The following HYDIN variants were observed in gnomAD, a reference collection of about 807,000 sequenced individuals.
HYDIN encodes axonemal central pair apparatus protein HYDIN.
Under a neutral mutation model 403.9 loss-of-function variants are expected in HYDIN, and 132 were observed. That is an observed-to-expected ratio of 0.33 (90% CI 0.28 to 0.38). The LOEUF is 0.38. Among genes scored for constraint, HYDIN ranks in the 10% least tolerant of loss-of-function variants. The pLI, the probability that HYDIN is intolerant of heterozygous loss-of-function variation, is 1.00. For missense variants in HYDIN, 2,827 were observed against 5,009.5 expected, an observed-to-expected ratio of 0.56 and a Z score of 13.15; for synonymous variants, 1,202 against 1,891.7, an observed-to-expected ratio of 0.64 and a Z score of 9.46.
At chr16:71,097,850 T>C (rs1018936640) in intron 10 of HYDIN, among the ~76,000 whole-genome samples, 1 of 151,954 alleles carries the variant, frequency 6.6e-6, no homozygotes, top group African/African-American at 2.4e-5. Context: ...TTACAGAAAG[T>C]ATGCTTAGAA....
At chr16:70,928,468 C>CA (rs1567847919) in intron 45 of HYDIN, among the ~76,000 whole-genome samples, 1 of 151,394 alleles carries the variant, frequency 6.6e-6, no homozygotes, top group African/African-American at 2.4e-5. Context: ...AAAAAAAAAA[C>CA]AAAAAACAAA....
chr16:71,139,914 ATT>A (rs2085101982), intron 7 of HYDIN, among the ~76,000 whole-genome samples: 2 of 152,008 alleles, frequency 1.3e-5, no homozygotes, highest in Non-Finnish European at 2.9e-5. Flanking sequence ...AATTGGATAA[ATT>A]TTTTAAAAAT....
chr16:71,185,155 A>G (rs1252483050), intron 2 of HYDIN, among the ~76,000 whole-genome samples, 165 bp from the exon 3 acceptor site: 2 of 152,182 alleles, frequency 1.3e-5, no homozygotes, highest in African/African-American at 4.8e-5. Flanking sequence ...ATTATATAAG[A>G]GAAGTACCCA....
chr16:71,067,689 A>C (rs1364369177), intron 14 of HYDIN, among the ~76,000 whole-genome samples: 1 of 152,162 alleles, frequency 6.6e-6, no homozygotes, highest in Non-Finnish European at 1.5e-5. Context: ...AACGATGAGC[A>C]ACATCGAACC....
At chr16:70,852,659 T>A (rs1214562910) in intron 73 of HYDIN, 1 of 150,994 alleles carries the variant, frequency 6.6e-6, no homozygotes, top group East Asian at 2.0e-4. Flanking sequence ...AAGAGACATT[T>A]CACTGAGGAG....
chr16:70,891,251 C>T (rs1328389694), intron 57 of HYDIN, among the ~76,000 whole-genome samples: 1 of 152,086 alleles, frequency 6.6e-6, no homozygotes, highest in Non-Finnish European at 1.5e-5. Context: ...TGCAGTGGCG[C>T]GATCTCGGCT....
At chr16:70,939,458 C>G (rs2077602323) in intron 43 of HYDIN, among the ~76,000 whole-genome samples, 1 of 152,120 alleles carries the variant, frequency 6.6e-6, no homozygotes. Flanking sequence ...TCCCCTAAAT[C>G]ATCTGCATTT....
At chr16:70,968,784 A>T (rs783719) in intron 36 of HYDIN, among the ~76,000 whole-genome samples, 296 of 146,944 alleles carry the variant, frequency 2.0e-3, no homozygotes, top group African/African-American at 7.2e-3. Flanking sequence ...GGAAAACTTC[A>T]GCTTGAATGA....
At chr16:71,049,560 C>T (rs190162558) in intron 18 of HYDIN, among the ~76,000 whole-genome samples, 32 of 152,278 alleles carry the variant, frequency 2.1e-4, no homozygotes, top group African/African-American at 7.7e-4. Context: ...AAGAAACATC[C>T]TCCATATCAG....
intron 45 of HYDIN, chr16:70,933,824 C>T (rs2077421870): frequency 6.5e-6 from 1 of 154,038 alleles, no homozygotes. Flanking sequence ...GAATGCCCTT[C>T]ACTTCGTTTT....
intron 27 of HYDIN, 84 bp from the exon 28 acceptor site, chr16:70,985,406 A>G: frequency 9.1e-7 from 1 of 1,095,690 alleles, no homozygotes; most frequent in Non-Finnish European, 1.3e-6. Context: ...CCTCATGGAT[A>G]AGGGTGTGAC....
rs111377075 is a variant in HYDIN, at chr16:70,812,786, T to C, written c.14659-2779A>G. 3.9e-4 allele frequency among the ~76,000 whole-genome samples: 59 copies of C among 152,230 alleles called. 1 individual carries two copies. Among genetic ancestry groups the C allele is most frequent in the African/African-American group, 1.4e-3 (59 of 41,560 alleles). On this transcript the variant is annotated intron_variant, in intron 84 of 85. Coordinates refer to ENST00000393567, the MANE Select transcript of HYDIN (RefSeq NM_001270974.2). ...GTAAAGATATTAATTCTCCTTCTGA[T>C]AGACAGGCCCAAGATGGTCCTCAAT... is the stretch of plus-strand genomic sequence containing the variant.
chr16:70,802,677 A>G lies in HYDIN; in HGVS notation c.*4903T>C, dbSNP rs2034934684. ...GCTCTCAACCCATGGAAACTGTGAG[A>G]TAATAAATTTGTGTTGTTTTGCTCT... On this transcript the variant is annotated 3_prime_UTR_variant, in exon 86 of 86. Coordinates refer to ENST00000393567, the MANE Select transcript of HYDIN (RefSeq NM_001270974.2). 6.6e-6 allele frequency: 1 copy of G among 152,224 alleles called. No individual in the cohort carries two copies. The highest frequency in any genetic ancestry group is 6.5e-5 in the Admixed American group (1 of 15,284). 9.4% of individuals were successfully genotyped at this position (152,224 alleles called of 1,614,324 possible).
At chr16:71,178,501 A>C (rs1030354562) in intron 4 of HYDIN, among the ~76,000 whole-genome samples, 3 of 149,530 alleles carry the variant, frequency 2.0e-5, no homozygotes, top group African/African-American at 7.3e-5. Flanking sequence ...ACAGACATAC[A>C]TATATATATG....
At chr16:71,162,219 A>G (rs2086029386) in intron 6 of HYDIN, among the ~76,000 whole-genome samples, 1 of 151,238 alleles carries the variant, frequency 6.6e-6, no homozygotes, top group Admixed American at 6.6e-5. Flanking sequence ...AGTTATAAAA[A>G]TTCTCAGTCA....
intron 7 of HYDIN, among the ~76,000 whole-genome samples, chr16:71,137,606 G>A (rs1342622949): frequency 1.3e-5 from 2 of 151,700 alleles, no homozygotes. Context: ...GTTGTTGTGG[G>A]CACTCCAAAA....
In HYDIN at chr16:71,094,573, G is replaced by C. The variant is rs1261321769; in HGVS notation, c.1328-638C>G. The stretch of plus-strand genomic sequence containing the variant: ...CTTAGGCAGTTTCCCAAAGAGCTGA[G>C]ATCTCCAGAAATTTTATCTCTCACA... On this transcript the variant is annotated intron_variant, in intron 10 of 85. Coordinates refer to ENST00000393567, the MANE Select transcript of HYDIN (RefSeq NM_001270974.2). Among the ~76,000 whole-genome samples the C allele has an allele frequency of 2.6e-5, 4 of 152,314 alleles. No homozygotes were observed. In the South Asian group the frequency reaches 8.3e-4, roughly 32 times the overall value.
Position 70,943,912 on chromosome 16 carries a change from C to G in HYDIN, c.6569G>C (p.Arg2190Pro). The change falls in exon 42 of 86, where the codon CGC (arginine) becomes CCC (proline). Residue 2190 changes from arginine to proline, a missense_variant. Arg to Pro is a moderately radical substitution (Grantham distance 103, BLOSUM62 -2). Coordinates refer to ENST00000393567, the MANE Select transcript of HYDIN (RefSeq NM_001270974.2). ...SSPLPPGPIH[R>P]WLSVSPSVGG... ...GACACTGGGACTAACACTGAGCCAG[C>G]GGTGGATGGGCCCCGGGGGGAGAGG... The G allele has an allele frequency of 1.9e-6, 3 of 1,613,130 alleles. No individual in the cohort carries two copies. The highest frequency in any genetic ancestry group is 2.5e-6 in the Non-Finnish European group (3 of 1,179,720).
chr16:71,149,753 C>T (rs1402786580), intron 7 of HYDIN, among the ~76,000 whole-genome samples: 5 of 152,170 alleles, frequency 3.3e-5, no homozygotes, highest in Non-Finnish European at 7.3e-5. Flanking sequence ...GTCTCAAACT[C>T]CTGAGCTCAA....
Sources: gnomAD v4.1 joint callset for allele counts (sites outside exome capture counted in the v4.1 genomes callset) on GRCh38, gnomAD v4.1.1 for gene constraint, MANE v1.5 for transcripts, NCBI Gene and HGNC (gene_info 2026-07-23, HGNC 2026-07-21) for gene names.